The following CCDC171 variants were observed in gnomAD, a reference collection of about 807,000 sequenced individuals.
The protein encoded by CCDC171 is coiled-coil domain containing 171.
Under a neutral mutation model 168.2 loss-of-function variants are expected in CCDC171, and 177 were observed. The observed-to-expected ratio is 1.05, with a 90% CI of 0.93 to 1.19. CCDC171 has a LOEUF of 1.19. CCDC171 is among the 50% of genes most tolerant of loss of function. CCDC171 has a pLI of 0.00. For synonymous variants in CCDC171, 687 were observed against 540.8 expected, an observed-to-expected ratio of 1.27 and a Z score of -3.75; for missense variants, 1,991 against 1,539.0, an observed-to-expected ratio of 1.29 and a Z score of -4.91.
intron 18 of CCDC171, among the ~76,000 whole-genome samples, chr9:15,777,273 T>G (rs114514322): frequency 6.6e-6 from 1 of 152,338 alleles, no homozygotes; most frequent in African/African-American, 2.4e-5. Flanking sequence ...GTAACAAGCT[T>G]TGGCAGTTGT....
chr9:15,936,629 A>G (rs1275069457), intron 25 of CCDC171, among the ~76,000 whole-genome samples: 3 of 151,908 alleles, frequency 2.0e-5, no homozygotes, highest in African/African-American at 7.2e-5. Flanking sequence ...CTTTTTTATT[A>G]TACTGCCTCC....
At chr9:15,567,027 CT>C (rs34470119) in intron 2 of CCDC171, among the ~76,000 whole-genome samples, 10,954 of 132,142 alleles carry the variant, frequency 0.083, 504 homozygotes, top group African/African-American at 0.18. Flanking sequence ...TCTACATGTC[CT>C]TTTTTTTTTT....
chr9:16,094,210 A>T, the CCDC171 span, among the ~76,000 whole-genome samples: 1 of 152,186 alleles, frequency 6.6e-6, no homozygotes, highest in South Asian at 2.1e-4. Flanking sequence ...CATCAGGTTA[A>T]AGTATTTGGA....
At chr9:15,840,430 C>T (rs1228609701) in intron 21 of CCDC171, among the ~76,000 whole-genome samples, 1 of 152,064 alleles carries the variant, frequency 6.6e-6, no homozygotes, top group African/African-American at 2.4e-5. Flanking sequence ...GTTGTCAGCT[C>T]TGGGAAGTTT....
In CCDC171 at chr9:15,642,343, GTATATATATATATATA is replaced by G. The variant is rs55976539; in HGVS notation, c.823-14758_823-14743del. On this transcript the variant is annotated intron_variant, in intron 7 of 25. Transcript: ENST00000380701. ...TATATATATATACACGTGTGTGTGT[GTATATATATATATATA>G]TATATATATATATATATATATATAT... Among the ~76,000 whole-genome samples, 79 of 107,566 alleles carry G rather than the reference GTATATATATATATATA, an allele frequency of 7.3e-4. 2 individuals carry two copies. The highest frequency in any genetic ancestry group is 4.5e-3 in the Middle Eastern group (1 of 224). The allele number at this position is 107,566 out of a possible 152,430, so 70.6% of individuals were successfully genotyped here. A position where few individuals can be genotyped will look rare whatever the true frequency, so the allele number is the denominator to read the frequency against.
intron 23 of CCDC171, among the ~76,000 whole-genome samples, chr9:15,856,356 C>G (rs562865322): frequency 6.6e-6 from 1 of 152,012 alleles, no homozygotes; most frequent in Admixed American, 6.6e-5. Flanking sequence ...GACCCCAGCC[C>G]CTGGTAACCA....
At chr9:15,952,680 A>G (rs1186480604) in intron 25 of CCDC171, among the ~76,000 whole-genome samples, 1 of 152,112 alleles carries the variant, frequency 6.6e-6, no homozygotes, top group Non-Finnish European at 1.5e-5. Flanking sequence ...TACAGGCATG[A>G]GCCACCGCGC....
chr9:15,629,327 C>A (rs1287858416), intron 7 of CCDC171, among the ~76,000 whole-genome samples: 1 of 152,030 alleles, frequency 6.6e-6, no homozygotes, highest in Non-Finnish European at 1.5e-5. Flanking sequence ...CAGAGAAGTG[C>A]TTAAAGGAGG....
intron 25 of CCDC171, among the ~76,000 whole-genome samples, chr9:15,947,349 T>C (rs371741871): frequency 6.6e-6 from 1 of 151,960 alleles, no homozygotes; most frequent in East Asian, 2.0e-4. Context: ...TAAACAGTAA[T>C]TTCCCATTTC....
intron 23 of CCDC171, among the ~76,000 whole-genome samples, chr9:15,866,442 G>A (rs1032791213): frequency 5.9e-5 from 9 of 151,972 alleles, no homozygotes; most frequent in South Asian, 2.1e-4. Context: ...CAGCAAAGTG[G>A]CATATGATGA....
chr9:15,991,537 A>C (rs1189060290), intron 3 of CCDC171, among the ~76,000 whole-genome samples: 1 of 151,918 alleles, frequency 6.6e-6, no homozygotes, highest in African/African-American at 2.4e-5. Flanking sequence ...AGCAAGAGCA[A>C]ACACATTCAA....
intron 12 of CCDC171, among the ~76,000 whole-genome samples, chr9:15,722,093 T>C (rs1041772507): frequency 1.3e-5 from 2 of 152,248 alleles, no homozygotes; most frequent in Non-Finnish European, 2.9e-5. Context: ...ACTATTATTT[T>C]CAAAGTTATA....
chr9:15,725,101 T>C (rs1230343591), intron 14 of CCDC171, 125 bp downstream of exon 14: 9 of 678,142 alleles, frequency 1.3e-5, no homozygotes. Context: ...TTTTGAAATG[T>C]TTGTGACAGC....
At chr9:15,737,203 C>A (rs918066906) in intron 16 of CCDC171, among the ~76,000 whole-genome samples, 14 of 151,240 alleles carry the variant, frequency 9.3e-5, no homozygotes, top group Admixed American at 2.0e-4. Context: ...TGTTATATAC[C>A]AAATATATAG....
At chr9:15,716,638 C>T (rs2053108034) in intron 11 of CCDC171, among the ~76,000 whole-genome samples, 1 of 152,026 alleles carries the variant, frequency 6.6e-6, no homozygotes, top group African/African-American at 2.4e-5. Context: ...GCTGGGAAAT[C>T]CAAGATTGAG....
chr9:15,920,550 C>A, intron 25 of CCDC171, 128 bp downstream of exon 25: 1 of 653,454 alleles, frequency 1.5e-6, no homozygotes. Context: ...AATCAAGTGA[C>A]ATAAAATTAT....
intron 5 of CCDC171, among the ~76,000 whole-genome samples, chr9:15,593,619 A>C (rs893863713): frequency 6.6e-6 from 1 of 152,088 alleles, no homozygotes; most frequent in Non-Finnish European, 1.5e-5. Flanking sequence ...AAATGTTTTG[A>C]TCACAGGTAG....
chr9:15,933,584 G>A (rs558778469), intron 25 of CCDC171, among the ~76,000 whole-genome samples: 1 of 151,922 alleles, frequency 6.6e-6, no homozygotes, highest in East Asian at 1.9e-4. Context: ...TGTATCATTA[G>A]GTTGTTTATT....
chr9:15,576,379 G>A (rs950233919), intron 3 of CCDC171, among the ~76,000 whole-genome samples: 1 of 151,818 alleles, frequency 6.6e-6, no homozygotes, highest in African/African-American at 2.4e-5. Context: ...GTAGACATGG[G>A]GTCTTGCTGT....
Sources: allele counts gnomAD v4.1 joint callset (sites outside exome capture counted in the v4.1 genomes callset), GRCh38; gene constraint gnomAD v4.1.1; transcripts MANE v1.5; gene names NCBI Gene and HGNC (gene_info 2026-07-23, HGNC 2026-07-21).